Variants in MBNL1 observed in about 807,000 individuals in gnomAD.
The protein encoded by MBNL1 is muscleblind-like protein 1.
MBNL1 carries 8 observed loss-of-function variants against 42.2 expected under a neutral mutation model. That is an observed-to-expected ratio of 0.19 (90% CI 0.11 to 0.34). MBNL1 has a LOEUF of 0.34. Ranked by LOEUF, MBNL1 falls within the 10% of genes least tolerant of loss-of-function variation. The pLI, the probability that MBNL1 is intolerant of heterozygous loss-of-function variation, is 1.00. For missense variants in MBNL1, 309 were observed against 495.3 expected (o/e 0.62, Z 3.57); for synonymous variants, 169 against 173.9 (o/e 0.97, Z 0.22).
intron 1 of MBNL1, chr3:152,269,871 C>G: frequency 7.1e-6 from 1 of 141,300 alleles, no homozygotes. Flanking sequence ...TACTTGGGTT[C>G]TGGTTTTTAG....
chr3:152,371,746 T>C (rs2096671171), intron 2 of MBNL1, among the ~76,000 whole-genome samples: 1 of 152,208 alleles, frequency 6.6e-6, no homozygotes, highest in African/African-American at 2.4e-5. Flanking sequence ...TTTCATTCCT[T>C]TCAACCTTGG....
chr3:152,270,115 A>C (rs1421497955), intron 1 of MBNL1, among the ~76,000 whole-genome samples: 1 of 151,842 alleles, frequency 6.6e-6, no homozygotes, highest in Non-Finnish European at 1.5e-5. Flanking sequence ...GGGCCGGGAG[A>C]GTATGCGGCT....
intron 1 of MBNL1, among the ~76,000 whole-genome samples, chr3:152,291,607 G>C (rs537842678): frequency 4.6e-5 from 7 of 152,296 alleles, no homozygotes; most frequent in African/African-American, 1.7e-4. Flanking sequence ...CTCTGGGCCA[G>C]GCATTGTTTT....
chr3:152,397,062 A>G (rs1044212688), intron 2 of MBNL1, among the ~76,000 whole-genome samples: 1 of 152,190 alleles, frequency 6.6e-6, no homozygotes, highest in Non-Finnish European at 1.5e-5. Context: ...TAATAATGCA[A>G]TCCTGTTGGC....
chr3:152,283,385 T>G lies in MBNL1; in HGVS notation c.-790+14293T>G, dbSNP rs141640956. Among the ~76,000 whole-genome samples the G allele has an allele frequency of 8.2e-3, 1,247 of 152,226 alleles. 13 individuals carry two copies. Among genetic ancestry groups the G allele is most frequent in the African/African-American group, 0.029 (1,194 of 41,530 alleles). ...TGCACATCAGATAGGACTGTTGTTG[T>G]TGTTGGTGGTGGTGTTTTTAATCAA... is the stretch of plus-strand genomic sequence containing the variant. On this transcript the variant is annotated intron_variant, in intron 1 of 9. Coordinates refer to ENST00000324210, the MANE Select transcript of MBNL1 (RefSeq NM_021038.5).
intron 3 of MBNL1, among the ~76,000 whole-genome samples, chr3:152,427,482 G>A (rs1396501475): frequency 6.6e-6 from 1 of 152,042 alleles, no homozygotes; most frequent in East Asian, 1.9e-4. Context: ...TCACACTCCT[G>A]GGCTCAAGTG....
At chr3:152,376,547 T>G (rs1031566166) in intron 2 of MBNL1, among the ~76,000 whole-genome samples, 2 of 152,228 alleles carry the variant, frequency 1.3e-5, no homozygotes, top group African/African-American at 2.4e-5. Context: ...ACTTGCTGAC[T>G]AATGGTTGTT....
At chr3:152,405,412 T>C (rs1250394752) in intron 2 of MBNL1, among the ~76,000 whole-genome samples, 1 of 152,200 alleles carries the variant, frequency 6.6e-6, no homozygotes, top group African/African-American at 2.4e-5. Flanking sequence ...GGTAAAGTTT[T>C]GAAAACAGTA....
At chr3:152,272,624 A>T (rs575257237) in intron 1 of MBNL1, among the ~76,000 whole-genome samples, 17 of 152,224 alleles carry the variant, frequency 1.1e-4, no homozygotes, top group African/African-American at 3.9e-4. Context: ...TTAATAAAAG[A>T]TTGCTGCATT....
intron 2 of MBNL1, among the ~76,000 whole-genome samples, chr3:152,244,787 C>A (rs1252164130): frequency 6.6e-6 from 1 of 151,962 alleles, no homozygotes; most frequent in Non-Finnish European, 1.5e-5. Flanking sequence ...TCTTTCCCAG[C>A]TCTAGATTAT....
At chr3:152,390,884 C>T (rs1560413640) in intron 2 of MBNL1, among the ~76,000 whole-genome samples, 1 of 152,134 alleles carries the variant, frequency 6.6e-6, no homozygotes, top group Non-Finnish European at 1.5e-5. Flanking sequence ...CCCAGCTTAA[C>T]CAGAACAATG....
intron 3 of MBNL1, among the ~76,000 whole-genome samples, chr3:152,429,783 GGT>G (rs1195613987): frequency 6.6e-6 from 1 of 151,248 alleles, no homozygotes; most frequent in African/African-American, 2.4e-5. Context: ...ATGAAGGAAT[GGT>G]GTGTGTTTGT....
chr3:152,358,557 A>C (rs756809615), intron 2 of MBNL1, among the ~76,000 whole-genome samples: 5 of 152,052 alleles, frequency 3.3e-5, no homozygotes, highest in African/African-American at 1.2e-4. Flanking sequence ...TTTGCTGTTA[A>C]GGAGAATGAA....
At chr3:152,263,665 T>C (rs900932431), upstream of MBNL1, 2 of 152,228 alleles carry the variant, frequency 1.3e-5, no homozygotes, top group African/African-American at 4.8e-5. Context: ...GATTAGACTA[T>C]CAGCCTTTAC....
chr3:152,293,956 C>CAT (rs145053401), intron 1 of MBNL1, among the ~76,000 whole-genome samples: 13,537 of 150,366 alleles, frequency 0.09, 642 homozygotes, highest in Middle Eastern at 0.16. Flanking sequence ...CATATGAAGC[C>CAT]ATATATATAT....
In MBNL1 at chr3:152,415,116, G is replaced by A. The variant is rs1340691607; in HGVS notation, c.345+5G>A. On this transcript the variant is annotated splice_donor_5th_base_variant and intron_variant, in intron 3 of 9. Coordinates refer to ENST00000324210, the MANE Select transcript of MBNL1 (RefSeq NM_021038.5). ...GGTGCCCCATTACAACCCGTGGTAA[G>A]CATGTTTTCAGTCTTCACTCATTAA... 1.3e-6 allele frequency: 2 copies of A among 1,569,754 alleles called. No homozygotes were observed. The highest frequency in any genetic ancestry group is 2.8e-5 in the African/African-American group (2 of 72,556).
chr3:152,450,708 G>A (rs1302800894), intron 6 of MBNL1, among the ~76,000 whole-genome samples: 3 of 152,186 alleles, frequency 2.0e-5, no homozygotes, highest in Non-Finnish European at 4.4e-5. Context: ...TTGTGTATAT[G>A]CCTCATAGGG....
Position 152,367,976 on chromosome 3 carries a change from T to A in MBNL1, c.175-46965T>A, listed in dbSNP as rs567457981. ...ACTTTCTCCCATTCTGTAGGTTGCC[T>A]GTTCACACTGATGATAGTTTTTTTT... On this transcript the variant is annotated intron_variant, in intron 2 of 9. Coordinates refer to ENST00000324210, the MANE Select transcript of MBNL1 (RefSeq NM_021038.5). Among the ~76,000 whole-genome samples, 3 of 141,300 alleles carry A rather than the reference T, an allele frequency of 2.1e-5. No individual in the cohort carries two copies. In the South Asian group the frequency reaches 6.9e-4, roughly 33 times the overall value. The allele number at this position is 141,300 out of a possible 152,430, so 92.7% of individuals were successfully genotyped here. A position where few individuals can be genotyped will look rare whatever the true frequency, so the allele number is the denominator to read the frequency against.
At chr3:152,439,107 A>G (rs2099114986) in intron 4 of MBNL1, among the ~76,000 whole-genome samples, 1 of 152,188 alleles carries the variant, frequency 6.6e-6, no homozygotes, top group African/African-American at 2.4e-5. Flanking sequence ...ATATAAAATA[A>G]ATTATTCTTG....
Sources: allele counts gnomAD v4.1 joint callset (sites outside exome capture counted in the v4.1 genomes callset), GRCh38; gene constraint gnomAD v4.1.1; transcripts MANE v1.5; gene names NCBI Gene and HGNC (gene_info 2026-07-23, HGNC 2026-07-21).